The following CDH13 variants were observed in gnomAD, a reference collection of about 807,000 sequenced individuals.
CDH13 encodes the protein cadherin-13.
In CDH13, 24 loss-of-function variants were observed where a neutral mutation model predicts 63.8. The observed-to-expected ratio is 0.38, with a 90% CI of 0.27 to 0.53. The LOEUF (loss-of-function observed/expected upper bound fraction) is 0.53. Among genes scored for constraint, CDH13 ranks in the 20% least tolerant of loss-of-function variants. The pLI is 0.85. For missense variants in CDH13, 1,049 were observed against 903.1 expected (o/e 1.16, Z -2.07); for synonymous variants, 503 against 355.3 (o/e 1.42, Z -4.67).
intron 11 of CDH13, among the ~76,000 whole-genome samples, chr16:83,754,717 C>G (rs1913363747): frequency 6.6e-6 from 1 of 152,194 alleles, no homozygotes; most frequent in Non-Finnish European, 1.5e-5. Flanking sequence ...TAAGATGGGA[C>G]TTGCTCCTCC....
chr16:82,750,778 C>G (rs1391711977), intron 1 of CDH13, among the ~76,000 whole-genome samples: 2 of 146,534 alleles, frequency 1.4e-5, no homozygotes, highest in Non-Finnish European at 3.0e-5. Context: ...TTGGCTTAAG[C>G]TGATTTTTTT....
intron 2 of CDH13, among the ~76,000 whole-genome samples, chr16:82,995,639 A>G (rs770460436): frequency 1.3e-5 from 2 of 152,188 alleles, no homozygotes; most frequent in Non-Finnish European, 1.5e-5. Flanking sequence ...GATATCACCT[A>G]TTATAACACC....
chr16:83,452,367 T>G (rs1337928923), intron 6 of CDH13, among the ~76,000 whole-genome samples: 1 of 2,396 alleles, frequency 4.2e-4, no homozygotes, highest in Admixed American at 0.012. Context: ...AGTGTTTATA[T>G]TGATTACTTG....
intron 1 of CDH13, among the ~76,000 whole-genome samples, chr16:82,815,356 A>T (rs1436242035): frequency 6.6e-6 from 1 of 152,148 alleles, no homozygotes; most frequent in Admixed American, 6.6e-5. Flanking sequence ...CCTCACCTGC[A>T]TGATGGAGAC....
intron 7 of CDH13, among the ~76,000 whole-genome samples, chr16:83,570,971 A>ATATATATATATATATATATATATAT (rs57205262): frequency 1.7e-5 from 2 of 117,256 alleles, no homozygotes; most frequent in South Asian, 2.8e-4. Context: ...ATATATATAT[A>ATATATATATATATATATATATATAT]AAAACCTTCT....
Position 83,798,256 on chromosome 16 carries a change from A to C in CDH13, c.*3226A>C, listed in dbSNP as rs899999613. 1 of 152,218 alleles carries C rather than the reference A, an allele frequency of 6.6e-6. No homozygotes were observed. The highest frequency in any genetic ancestry group is 1.5e-5 in the Non-Finnish European group (1 of 68,048). The allele number at this position is 152,218 out of a possible 1,614,324, so 9.4% of individuals were successfully genotyped here. A position where few individuals can be genotyped will look rare whatever the true frequency, so the allele number is the denominator to read the frequency against. On this transcript the variant is annotated 3_prime_UTR_variant, in exon 14 of 14. Transcript: ENST00000567109. Reference sequence around the variant, plus strand: ...AATCTTAAGATGTGACAACTAAAAAATTTTTAACAAGTCTGTGTTTGATCC... The same window carrying C: ...AATCTTAAGATGTGACAACTAAAAACTTTTTAACAAGTCTGTGTTTGATCC...
At chr16:83,665,329 A>C (rs1392054139) in intron 8 of CDH13, among the ~76,000 whole-genome samples, 1 of 152,200 alleles carries the variant, frequency 6.6e-6, no homozygotes, top group Non-Finnish European at 1.5e-5. Context: ...TACAGGGCAA[A>C]ATCCATCATC....
intron 1 of CDH13, among the ~76,000 whole-genome samples, chr16:82,857,268 C>A (rs2039740502): frequency 6.6e-6 from 1 of 152,144 alleles, no homozygotes; most frequent in Non-Finnish European, 1.5e-5. Flanking sequence ...ATTTCATAGG[C>A]CTGCTGTGGA....
At chr16:82,842,755 G>C (rs1433034660) in intron 1 of CDH13, among the ~76,000 whole-genome samples, 1 of 152,096 alleles carries the variant, frequency 6.6e-6, no homozygotes, top group Non-Finnish European at 1.5e-5. Context: ...CAACTCACCA[G>C]AGTGTAGAAT....
chr16:82,976,073 G>A (rs1414259673), intron 2 of CDH13, among the ~76,000 whole-genome samples: 1 of 152,228 alleles, frequency 6.6e-6, no homozygotes, highest in Non-Finnish European at 1.5e-5. Flanking sequence ...ACAAAGCAAA[G>A]AAGAAATGCA....
At chr16:83,662,516 G>C (rs963653131) in intron 8 of CDH13, among the ~76,000 whole-genome samples, 5 of 152,182 alleles carry the variant, frequency 3.3e-5, no homozygotes, top group South Asian at 2.1e-4. Context: ...TCTGGGATTT[G>C]CTCCAAACAG....
intron 6 of CDH13, among the ~76,000 whole-genome samples, chr16:83,350,535 C>G (rs1035964700): frequency 4.5e-4 from 64 of 141,460 alleles, no homozygotes; most frequent in Non-Finnish European, 8.3e-4. Context: ...CCCTCCCTCT[C>G]TTTCCTGTCT....
At chr16:83,272,748 C>A (rs2088863722) in intron 5 of CDH13, among the ~76,000 whole-genome samples, 2 of 152,084 alleles carry the variant, frequency 1.3e-5, no homozygotes, top group South Asian at 4.2e-4. Flanking sequence ...CAGTAGCTTT[C>A]CTTGAAAACT....
intron 3 of CDH13, among the ~76,000 whole-genome samples, chr16:83,066,093 G>A (rs549268640): frequency 2.6e-5 from 4 of 152,302 alleles, no homozygotes; most frequent in African/African-American, 9.6e-5. Flanking sequence ...TTGAAATCAG[G>A]ATGTAATACG....
chr16:82,973,645 C>G (rs754351675), intron 2 of CDH13, among the ~76,000 whole-genome samples: 1 of 152,206 alleles, frequency 6.6e-6, no homozygotes, highest in African/African-American at 2.4e-5. Context: ...CTGTGCCCCT[C>G]CACCTGGAGG....
intron 6 of CDH13, among the ~76,000 whole-genome samples, chr16:83,452,610 A>C (rs1567682277): frequency 1.3e-5 from 2 of 152,192 alleles, no homozygotes; most frequent in East Asian, 3.8e-4. Context: ...GTAAGTAAGT[A>C]ATAATATAGA....
intron 6 of CDH13, among the ~76,000 whole-genome samples, chr16:83,459,223 G>A (rs114366906): frequency 3.6e-4 from 55 of 152,318 alleles, no homozygotes; most frequent in African/African-American, 1.3e-3. Flanking sequence ...GAAATATTTT[G>A]TTAGCATTGG....
intron 1 of CDH13, among the ~76,000 whole-genome samples, chr16:82,637,394 T>A (rs1486417565): frequency 6.7e-6 from 1 of 149,540 alleles, no homozygotes; most frequent in Non-Finnish European, 1.5e-5. Flanking sequence ...AGGTACTTTA[T>A]CCTCAGAAGC....
intron 1 of CDH13, among the ~76,000 whole-genome samples, chr16:82,695,077 G>A (rs544514835): frequency 1.1e-4 from 17 of 152,162 alleles, no homozygotes; most frequent in African/African-American, 1.7e-4. Flanking sequence ...AAGTCCTGTC[G>A]GCTGGAGGAA....
Sources: gnomAD v4.1 joint callset for allele counts (sites outside exome capture counted in the v4.1 genomes callset) on GRCh38, gnomAD v4.1.1 for gene constraint, MANE v1.5 for transcripts, NCBI Gene and HGNC (gene_info 2026-07-23, HGNC 2026-07-21) for gene names.